SEMA3C: variants seen among roughly 807,000 people sequenced by gnomAD.
The protein encoded by SEMA3C is semaphorin 3C.
SEMA3C carries 47 observed loss-of-function variants against 89.4 expected under a neutral mutation model. The ratio of observed to expected loss-of-function variants is 0.53; its 90% CI spans 0.42 to 0.67. The LOEUF is 0.67. Ranked by LOEUF, SEMA3C falls within the 30% of genes least tolerant of loss-of-function variation. SEMA3C has a pLI of 0.00. For synonymous variants in SEMA3C, 310 were observed against 320.2 expected (o/e 0.97, Z 0.34); for missense variants, 839 against 929.1 (o/e 0.90, Z 1.26).
intron 17 of SEMA3C, 90 bp downstream of exon 17, chr7:80,748,808 T>C (rs932175567): frequency 2.3e-6 from 3 of 1,320,334 alleles, no homozygotes; most frequent in Non-Finnish European, 3.1e-6. Context: ...ATGCCTTTCC[T>C]TTTTCCTTTG....
intron 14 of SEMA3C, among the ~76,000 whole-genome samples, chr7:80,760,915 A>G (rs1788169398): frequency 6.6e-6 from 1 of 152,144 alleles, no homozygotes; most frequent in East Asian, 1.9e-4. Context: ...ATTACTCTGT[A>G]CCTTAAAATT....
chr7:80,756,253 A>T (rs1318142713), intron 15 of SEMA3C, among the ~76,000 whole-genome samples: 3 of 151,878 alleles, frequency 2.0e-5, no homozygotes, highest in African/African-American at 7.3e-5. Context: ...ATCATTTTTG[A>T]CTCCTCTATT....
chr7:80,862,120 G>C (rs1790786092), intron 2 of SEMA3C, among the ~76,000 whole-genome samples: 1 of 152,016 alleles, frequency 6.6e-6, no homozygotes, highest in African/African-American at 2.4e-5. Context: ...AAGAAATAAA[G>C]GGCATCCAAA....
chr7:80,762,327 C>T (rs7802153), intron 13 of SEMA3C, among the ~76,000 whole-genome samples: 33,864 of 151,858 alleles, frequency 0.22, 4,601 homozygotes, highest in African/African-American at 0.39. Flanking sequence ...AGTGCTGTTT[C>T]GGAAAGACAA....
At chr7:80,846,059 G>A (rs1284637849) in intron 2 of SEMA3C, among the ~76,000 whole-genome samples, 1 of 152,044 alleles carries the variant, frequency 6.6e-6, no homozygotes, top group African/African-American at 2.4e-5. Context: ...CAAATTCAGG[G>A]TGTCACTGAT....
At chr7:80,852,823 T>A (rs1790546280) in intron 2 of SEMA3C, among the ~76,000 whole-genome samples, 1 of 151,680 alleles carries the variant, frequency 6.6e-6, no homozygotes, top group Non-Finnish European at 1.5e-5. Flanking sequence ...GGACTACAGG[T>A]GCCCACCACC....
upstream of SEMA3C, among the ~76,000 whole-genome samples, chr7:80,921,048 T>G (rs772834782): frequency 6.6e-6 from 1 of 152,158 alleles, no homozygotes; most frequent in Non-Finnish European, 1.5e-5. Context: ...AAAACCACGA[T>G]AAAGAGTTGC....
chr7:80,832,341 T>TGTATAGATGAACTC (rs1317210576), intron 2 of SEMA3C, among the ~76,000 whole-genome samples: 11 of 152,182 alleles, frequency 7.2e-5, no homozygotes, highest in Non-Finnish European at 1.3e-4. Flanking sequence ...TTGGCAATAA[T>TGTATAGATGAACTC]AATACTGAAC....
chr7:80,888,257 A>G (rs1454885720), intron 2 of SEMA3C, among the ~76,000 whole-genome samples: 1 of 151,782 alleles, frequency 6.6e-6, no homozygotes, highest in Non-Finnish European at 1.5e-5. Context: ...TACAAAAAAT[A>G]CAAAAAACTA....
At chr7:80,776,959 T>TATATG (rs1176827353) in intron 12 of SEMA3C, among the ~76,000 whole-genome samples, 1 of 152,116 alleles carries the variant, frequency 6.6e-6, no homozygotes, top group Admixed American at 6.6e-5. Flanking sequence ...TATACTAATA[T>TATATG]ATATGATATA....
At chr7:80,745,928 G>C (rs1787790154) in intron 17 of SEMA3C, among the ~76,000 whole-genome samples, 1 of 151,900 alleles carries the variant, frequency 6.6e-6, no homozygotes. Flanking sequence ...TCCTCTAAGT[G>C]GTTTTACTTT....
intron 17 of SEMA3C, among the ~76,000 whole-genome samples, chr7:80,748,108 C>T (rs1175506422): frequency 6.6e-6 from 1 of 152,114 alleles, no homozygotes; most frequent in Non-Finnish European, 1.5e-5. Flanking sequence ...CCCCTTGGCT[C>T]CATCAACTTT....
intron 2 of SEMA3C, among the ~76,000 whole-genome samples, chr7:80,855,715 G>A (rs1583945722): frequency 6.6e-6 from 1 of 152,216 alleles, no homozygotes; most frequent in South Asian, 2.1e-4. Flanking sequence ...GATGACTCTA[G>A]TGGAGTCAAC....
intron 12 of SEMA3C, among the ~76,000 whole-genome samples, chr7:80,768,509 G>A (rs1331025885): frequency 7.2e-5 from 10 of 138,354 alleles, no homozygotes; most frequent in Middle Eastern, 3.3e-3. Context: ...GCGAGACTCC[G>A]TCTAAAAAAA....
chr7:80,844,893 G>A (rs891655480), intron 2 of SEMA3C, among the ~76,000 whole-genome samples: 2 of 152,158 alleles, frequency 1.3e-5, no homozygotes, highest in Admixed American at 6.6e-5. Flanking sequence ...AGTTTTCAAG[G>A]TGTGTAACAC....
intron 2 of SEMA3C, among the ~76,000 whole-genome samples, chr7:80,874,623 C>T (rs1791155493): frequency 6.6e-6 from 1 of 151,956 alleles, no homozygotes; most frequent in Non-Finnish European, 1.5e-5. Context: ...TCCACCACCA[C>T]ACCTGGTTAA....
chr7:80,804,722 A>T (rs997924973), intron 7 of SEMA3C, among the ~76,000 whole-genome samples: 3 of 152,152 alleles, frequency 2.0e-5, no homozygotes, highest in African/African-American at 7.2e-5. Flanking sequence ...AGTCATTTGG[A>T]GACATACAGG....
chr7:80,807,778 A>G (rs1789376923), intron 6 of SEMA3C, among the ~76,000 whole-genome samples: 1 of 152,202 alleles, frequency 6.6e-6, no homozygotes, highest in Admixed American at 6.5e-5. Flanking sequence ...TAATAGATAT[A>G]AATATCTTAA....
intron 13 of SEMA3C, 77 bp from the exon 14 acceptor site, chr7:80,761,734 T>G: frequency 1.3e-6 from 1 of 792,722 alleles, no homozygotes; most frequent in Admixed American, 3.1e-5. Context: ...TTTTTTCTAT[T>G]AAATCTCAAG....
Sources: gnomAD v4.1 joint callset for allele counts (sites outside exome capture counted in the v4.1 genomes callset) on GRCh38, gnomAD v4.1.1 for gene constraint, MANE v1.5 for transcripts, NCBI Gene and HGNC (gene_info 2026-07-23, HGNC 2026-07-21) for gene names.